The following HDHD2 variants were observed in gnomAD, a reference collection of about 807,000 sequenced individuals.
HDHD2 encodes haloacid dehalogenase-like hydrolase domain-containing protein 2.
A neutral mutation model predicts 24.8 loss-of-function variants in HDHD2; 26 were observed. The ratio of observed to expected loss-of-function variants is 1.05; its 90% confidence interval spans 0.77 to 1.45. HDHD2 has a LOEUF of 1.45. Among genes scored for constraint, HDHD2 ranks in the 40% most tolerant of loss-of-function variants. The pLI is 0.00. For synonymous variants in HDHD2, 128 were observed against 114.9 expected, an observed-to-expected ratio of 1.11 and a Z score of -0.73; for missense variants, 299 against 313.4, an observed-to-expected ratio of 0.95 and a Z score of 0.35.
intron 4 of HDHD2, among the ~76,000 whole-genome samples, chr18:47,122,506 A>C (rs2063616903): frequency 6.6e-6 from 1 of 152,204 alleles, no homozygotes; most frequent in Non-Finnish European, 1.5e-5. Flanking sequence ...TTAGGGGGCA[A>C]AACTGTCCCT....
chr18:47,137,263 T>C (rs1163752062), intron 1 of HDHD2: 7 of 552,752 alleles, frequency 1.3e-5, no homozygotes, highest in Non-Finnish European at 2.0e-5. Flanking sequence ...AGGCTGAAGA[T>C]ACAATGGATG....
At chr18:47,126,826 C>T (rs536197227) in intron 4 of HDHD2, among the ~76,000 whole-genome samples, 19 of 152,208 alleles carry the variant, frequency 1.2e-4, no homozygotes, top group Non-Finnish European at 2.5e-4. Context: ...ATAAATACTG[C>T]TCAACAAACA....
At position 47,108,697 on chromosome 18, in the gene HDHD2, C is replaced by T; in HGVS notation, c.765G>A (p.Leu255=). The change falls in exon 7 of 7, where the codon CTG becomes CTA. Residue 255 remains leucine, a synonymous_variant. Transcript: ENST00000300605. ...ACACACTGCTTCACAATAGGTGCTG[C>T]AGAATGTGGTCCACAGCATGAGGGA... is the stretch of plus-strand genomic sequence containing the variant. The part of the protein sequence containing the change: ...ESFPHAVDHI[L]QHLL 2 of 1,589,364 alleles carry T rather than the reference C, an allele frequency of 1.3e-6. No homozygotes were observed. Among genetic ancestry groups the T allele is most frequent in the Non-Finnish European group, 1.7e-6 (2 of 1,158,950 alleles).
chr18:47,114,987 A>G, intron 5 of HDHD2, 145 bp downstream of exon 5: 1 of 596,116 alleles, frequency 1.7e-6, no homozygotes, highest in Non-Finnish European at 3.0e-6. Flanking sequence ...ATCGACAGGA[A>G]ACCTCATTTT....
At chr18:47,128,568 T>TCTC (rs1482215962) in intron 4 of HDHD2, among the ~76,000 whole-genome samples, 1 of 152,164 alleles carries the variant, frequency 6.6e-6, no homozygotes, top group African/African-American at 2.4e-5. Flanking sequence ...CTGAAGTACA[T>TCTC]CTCCAAGTGA....
At position 47,134,496 on chromosome 18, in the gene HDHD2, C is replaced by A; in HGVS notation, c.310G>T (p.Gly104Ter). 3 of 1,611,820 alleles carry A rather than the reference C, an allele frequency of 1.9e-6. No homozygotes were observed. Among genetic ancestry groups the A allele is most frequent in the Non-Finnish European group, 2.5e-6 (3 of 1,178,454 alleles). ...TTTAAATTTTCCAAATTTCCCCTAC[C>A]TTTGAAATCAGGTAGTGCCCGATCA... Reference protein sequence around the residue: ...VDDRALPDFKGIQTSDPNAVV... With the variant: ...VDDRALPDFK The change falls in exon 3 of 7, where the codon GGA becomes TGA. Residue 104 changes from glycine to a stop codon, truncating the protein, a stop_gained and splice_region_variant. Coordinates refer to ENST00000300605, the MANE Select transcript of HDHD2 (RefSeq NM_032124.5). LOFTEE classifies it high-confidence loss of function.
At chr18:47,144,288 G>A (rs2063846936) in intron 1 of HDHD2, among the ~76,000 whole-genome samples, 1 of 152,148 alleles carries the variant, frequency 6.6e-6, no homozygotes, top group Non-Finnish European at 1.5e-5. Context: ...GAGCCCATCT[G>A]AAGAGATAGA....
At chr18:47,137,019 T>C (rs1423941159) in intron 1 of HDHD2, 6 of 677,594 alleles carry the variant, frequency 8.9e-6, no homozygotes, top group Non-Finnish European at 1.4e-5. Flanking sequence ...GCAGTCACCA[T>C]GGCCAACAAA....
At chr18:47,113,652 G>A (rs1215150102) in intron 5 of HDHD2, among the ~76,000 whole-genome samples, 1 of 151,838 alleles carries the variant, frequency 6.6e-6, no homozygotes, top group Non-Finnish European at 1.5e-5. Context: ...ATGAATGCAA[G>A]GTAATTAAAA....
At chr18:47,147,732 C>T (rs926043569) in intron 1 of HDHD2, among the ~76,000 whole-genome samples, 1 of 152,146 alleles carries the variant, frequency 6.6e-6, no homozygotes, top group African/African-American at 2.4e-5. Flanking sequence ...ACTGAAGCAT[C>T]CACACAGGCT....
In HDHD2 at chr18:47,113,057, A is replaced by C; in HGVS notation, c.613-17T>G. 6.2e-7 allele frequency: 1 copy of C among 1,612,958 alleles called. No homozygotes were observed. Among genetic ancestry groups the C allele is most frequent in the Non-Finnish European group, 8.5e-7 (1 of 1,178,928 alleles). On this transcript the variant is annotated splice_polypyrimidine_tract_variant and intron_variant, in intron 5 of 6. Transcript: ENST00000300605. ...CCTGCAATCCTAGAAAAGCATAAAG[A>C]AAGCATTTAGTCCAGTGTCTTCAGT...
intron 1 of HDHD2, among the ~76,000 whole-genome samples, chr18:47,145,791 AAG>A (rs1439663661): frequency 4.6e-5 from 7 of 152,230 alleles, no homozygotes; most frequent in Admixed American, 1.3e-4. Flanking sequence ...AAGCACCACA[AAG>A]AGAGTGAAAA....
intron 4 of HDHD2, among the ~76,000 whole-genome samples, chr18:47,129,261 G>T (rs892230966): frequency 1.3e-5 from 2 of 152,166 alleles, no homozygotes; most frequent in Non-Finnish European, 2.9e-5. Context: ...GGAAGTACAA[G>T]AACAAGTATG....
At chr18:47,142,758 CT>C (rs2063831512) in intron 1 of HDHD2, among the ~76,000 whole-genome samples, 1 of 152,012 alleles carries the variant, frequency 6.6e-6, no homozygotes, top group African/African-American at 2.4e-5. Flanking sequence ...CGAACCACCC[CT>C]CACCCCTTTC....
chr18:47,120,634 T>C (rs1023304368), intron 4 of HDHD2, among the ~76,000 whole-genome samples: 1 of 152,196 alleles, frequency 6.6e-6, no homozygotes, highest in Non-Finnish European at 1.5e-5. Flanking sequence ...ACTTGGCTAT[T>C]TGGCACGAGA....
chr18:47,136,229 G>A, intron 2 of HDHD2, 110 bp downstream of exon 2: 1 of 1,344,930 alleles, frequency 7.4e-7, no homozygotes, highest in Admixed American at 2.2e-5. Context: ...TCCTATATAT[G>A]GTTAAGATGG....
At chr18:47,112,409 C>A (rs548098726) in intron 6 of HDHD2, among the ~76,000 whole-genome samples, 6 of 152,288 alleles carry the variant, frequency 3.9e-5, no homozygotes. Flanking sequence ...AGTGAATCCT[C>A]CCCACTAAAG....
At chr18:47,146,215 G>A (rs1163856330) in intron 1 of HDHD2, among the ~76,000 whole-genome samples, 1 of 136,478 alleles carries the variant, frequency 7.3e-6, no homozygotes, top group African/African-American at 2.8e-5. Context: ...GGGCGACAGA[G>A]CAAGAATGTG....
chr18:47,128,180 A>G (rs547070986), intron 4 of HDHD2, among the ~76,000 whole-genome samples: 1 of 152,360 alleles, frequency 6.6e-6, no homozygotes, highest in South Asian at 2.1e-4. Flanking sequence ...TATGGTTAGG[A>G]AAGTGTACTA....
Sources: allele counts gnomAD v4.1 joint callset (sites outside exome capture counted in the v4.1 genomes callset), GRCh38; gene constraint gnomAD v4.1.1; transcripts MANE v1.5; gene names NCBI Gene and HGNC (gene_info 2026-07-23, HGNC 2026-07-21).